Variants in C10orf90 observed in about 807,000 individuals in gnomAD.
The protein encoded by C10orf90 is (E2-independent) E3 ubiquitin-conjugating enzyme FATS.
In C10orf90, 56 loss-of-function variants were observed where a neutral mutation model predicts 62.5. That is an observed-to-expected ratio of 0.90 (90% confidence interval 0.72 to 1.12). The LOEUF (loss-of-function observed/expected upper bound fraction) is 1.12. C10orf90 is among the 50% of genes most tolerant of loss of function. The probability of loss-of-function intolerance (pLI) is 0.00; values close to 1 mark genes in which losing one functional copy is unlikely to be tolerated. For synonymous variants in C10orf90, 386 were observed against 340.4 expected, an observed-to-expected ratio of 1.13 and a Z score of -1.47; for missense variants, 970 against 880.4, an observed-to-expected ratio of 1.10 and a Z score of -1.29.
rs1238405297 is a variant in C10orf90 at position 126,461,534 on chromosome 10, C to A, written c.1877G>T (p.Ser626Ile). 1 of 1,613,866 alleles carries A rather than the reference C, an allele frequency of 6.2e-7. No individual in the cohort carries two copies. Among genetic ancestry groups the A allele is most frequent in the African/African-American group, 1.3e-5 (1 of 74,922 alleles). ...GGGCTCAGGTGTGGTGGGGTCCTCA[C>A]TCTTCTTACATTCCTTTATTTTTAC... is the stretch of plus-strand genomic sequence containing the variant. The part of the protein sequence containing the change: ...LVVKIKECKK[S>I]EDPTTPEPSP... Residue 626 changes from serine (S) to isoleucine (I), a missense_variant, in exon 6 of 10, where the codon AGT becomes ATT. Transcript: ENST00000488181.
At chr10:126,505,318 T>C (rs1395761614) in intron 3 of C10orf90, among the ~76,000 whole-genome samples, 4 of 152,172 alleles carry the variant, frequency 2.6e-5, no homozygotes, top group Non-Finnish European at 4.4e-5. Flanking sequence ...ATGAATTGGT[T>C]TTCTCTGCTG....
chr10:126,489,754 T>G (rs1861617923), intron 4 of C10orf90, among the ~76,000 whole-genome samples: 1 of 151,300 alleles, frequency 6.6e-6, no homozygotes, highest in African/African-American at 2.4e-5. Flanking sequence ...AAGCAGAGAC[T>G]TAAAGATGTA....
At chr10:126,599,182 C>CTTT (rs755259124) in intron 2 of C10orf90, among the ~76,000 whole-genome samples, 3 of 128,240 alleles carry the variant, frequency 2.3e-5, no homozygotes, top group South Asian at 2.4e-4. Flanking sequence ...GGTTCCACTC[C>CTTT]TTTTTTTTTT....
intron 2 of C10orf90, among the ~76,000 whole-genome samples, chr10:126,624,959 G>A (rs773788492): frequency 2.6e-5 from 4 of 152,166 alleles, no homozygotes; most frequent in Admixed American, 2.0e-4. Flanking sequence ...CTCAGAGAGC[G>A]GGCAGTCTAT....
chr10:126,464,771 G>T lies in C10orf90; in HGVS notation c.1750C>A (p.Leu584Ile), dbSNP rs140833099. 146 of 1,613,980 alleles carry T rather than the reference G, an allele frequency of 9.0e-5. No individual in the cohort carries two copies. Among genetic ancestry groups the T allele is most frequent in the Non-Finnish European group, 1.1e-4 (127 of 1,180,020 alleles). Reference protein sequence around the residue: ...LKPRILFPGFLCPLQDVCASL... With the variant: ...LKPRILFPGFICPLQDVCASL... ...GCACATACATCTTGTAAGGGGCAAA[G>T]AAACCCAGGAAAAAGGATTCTGGGT... The change falls in exon 5 of 10, where the codon CTT becomes ATT. Residue 584 changes from leucine to isoleucine, a missense_variant. Leu to Ile is a conservative substitution (Grantham distance 5). Coordinates refer to ENST00000488181, the MANE Select transcript of C10orf90 (RefSeq NM_001350921.2).
At chr10:126,432,396 G>A (rs1857629358) in intron 7 of C10orf90, among the ~76,000 whole-genome samples, 1 of 152,260 alleles carries the variant, frequency 6.6e-6, no homozygotes, top group South Asian at 2.1e-4. Context: ...ATGTTGGTAG[G>A]GGATGCTCAG....
chr10:126,646,258 T>C (rs957608997), intron 2 of C10orf90, among the ~76,000 whole-genome samples: 6 of 152,196 alleles, frequency 3.9e-5, no homozygotes, highest in African/African-American at 1.2e-4. Context: ...CCATTACTCA[T>C]CCCTGATGGA....
In C10orf90 at chr10:126,513,710, C is replaced by T. The variant is rs79093238; in HGVS notation, c.405+138G>A. 1,503 of 597,116 alleles carry T rather than the reference C, an allele frequency of 2.5e-3. 10 individuals are homozygous for T. Among genetic ancestry groups the T allele is most frequent in the African/African-American group, 0.02 (1,064 of 53,194 alleles). The allele number at this position is 597,116 out of a possible 1,614,324, so 37.0% of individuals were successfully genotyped here. On this transcript the variant is annotated intron_variant, in intron 3 of 9. Coordinates refer to ENST00000488181, the MANE Select transcript of C10orf90 (RefSeq NM_001350921.2). The stretch of plus-strand genomic sequence containing the variant: ...TAAAAGAATAATTAAATCTATAGCA[C>T]GGTTAGATTGTTTGCTACATTAATT...
intron 2 of C10orf90, among the ~76,000 whole-genome samples, chr10:126,635,906 T>TAA (rs199979661): frequency 4.4e-4 from 1 of 2,272 alleles, no homozygotes; most frequent in Non-Finnish European, 8.1e-3. Flanking sequence ...CAAGGTAGTT[T>TAA]GAGAGACAGA....
At position 126,628,542 on chromosome 10, in the gene C10orf90, C is replaced by A. The variant is rs370848644; in HGVS notation, c.313+18023G>T. Among the ~76,000 whole-genome samples, 4 of 152,270 alleles carry A rather than the reference C, an allele frequency of 2.6e-5. No individual in the cohort carries two copies. In the South Asian group the frequency reaches 8.3e-4, roughly 32 times the overall value. On this transcript the variant is annotated intron_variant, in intron 2 of 9. Coordinates refer to ENST00000488181, the MANE Select transcript of C10orf90 (RefSeq NM_001350921.2). Reference sequence around the variant, plus strand: ...CCCTCTGCTTGAGGTCTGGTGGTCACTGGGAACGTTGAATGGAGCCCAGGG... The same window carrying A: ...CCCTCTGCTTGAGGTCTGGTGGTCAATGGGAACGTTGAATGGAGCCCAGGG...
At position 126,569,834 on chromosome 10, in the gene C10orf90, G is replaced by A. The variant is rs186205142; in HGVS notation, c.314-55895C>T. 1.1e-4 allele frequency among the ~76,000 whole-genome samples: 17 copies of A among 152,188 alleles called. No individual in the cohort carries two copies. The East Asian group carries it at 2.9e-3, about 26-fold the overall frequency. ...TCAACCCAAGGCACAGGGTAACAAA[G>A]TTTACAAGGGACCCCAAAACTCCTA... is the stretch of plus-strand genomic sequence containing the variant. On this transcript the variant is annotated intron_variant, in intron 2 of 9. Transcript: ENST00000488181.
intron 4 of C10orf90, 66 bp from the exon 5 acceptor site, chr10:126,465,052 C>T: frequency 6.5e-7 from 1 of 1,534,844 alleles, no homozygotes; most frequent in Non-Finnish European, 8.9e-7. Context: ...CTGACTTCTA[C>T]CGCACATGGT....
chr10:126,588,127 G>A lies in C10orf90; in HGVS notation c.313+58438C>T, dbSNP rs140039646. Among the ~76,000 whole-genome samples, 387 of 152,366 alleles carry A rather than the reference G, an allele frequency of 2.5e-3. 2 individuals carry two copies. Among genetic ancestry groups the A allele is most frequent in the Middle Eastern group, 0.01 (3 of 294 alleles). On this transcript the variant is annotated intron_variant, in intron 2 of 9. Coordinates refer to ENST00000488181, the MANE Select transcript of C10orf90 (RefSeq NM_001350921.2). ...GGGTGGCTGCCATACTGCTATATCT[G>A]TGGTTGCAGTTGGCTGTTCTAGCCT...
In C10orf90 at chr10:126,498,722, C is replaced by T. The variant is rs946286810; in HGVS notation, c.1534+5235G>A. Among the ~76,000 whole-genome samples the T allele has an allele frequency of 2.0e-5, 3 of 152,214 alleles. No individual in the cohort carries two copies. In the East Asian group the frequency reaches 5.8e-4, roughly 29 times the overall value. On this transcript the variant is annotated intron_variant, in intron 4 of 9. Transcript: ENST00000488181. ...GAATTGGCTGACTGAAGAGAGCTGCCTCACCCAAGTTCACATATCTTCCTG... is the reference window on the plus strand; with the variant it reads ...GAATTGGCTGACTGAAGAGAGCTGCTTCACCCAAGTTCACATATCTTCCTG...
At chr10:126,598,573 A>G (rs184341931) in intron 2 of C10orf90, among the ~76,000 whole-genome samples, 1 of 152,282 alleles carries the variant, frequency 6.6e-6, no homozygotes, top group East Asian at 1.9e-4. Flanking sequence ...TGGTCTCTTC[A>G]GCTCTTACAC....
rs137975029 is a variant in C10orf90, at chr10:126,604,238, T to A, written c.313+42327A>T. ...CTGTCCTGGTCTTCTGCCGGACTCA[T>A]TCTCAGTCCCTGAGTAAAACTGAGC... On this transcript the variant is annotated intron_variant, in intron 2 of 9. Coordinates refer to ENST00000488181, the MANE Select transcript of C10orf90 (RefSeq NM_001350921.2). Among the ~76,000 whole-genome samples the A allele has an allele frequency of 7.6e-3, 1,161 of 152,288 alleles. 9 individuals carry two copies. Among genetic ancestry groups the A allele is most frequent in the Non-Finnish European group, 0.013 (908 of 68,030 alleles).
At chr10:126,427,644 T>TC (rs987470870) in intron 8 of C10orf90, among the ~76,000 whole-genome samples, 38 of 152,276 alleles carry the variant, frequency 2.5e-4, no homozygotes, top group African/African-American at 8.9e-4. Flanking sequence ...TAGATGCTCC[T>TC]CCTCCCGCCC....
In C10orf90 at chr10:126,465,603, G is replaced by A. The variant is rs559714984; in HGVS notation, c.1535-617C>T. ...TGCAGAAGCATTGGTGCTGAGTTAC[G>A]TACTATGGCGAATACAGAGATAGGA... On this transcript the variant is annotated intron_variant, in intron 4 of 9. Coordinates refer to ENST00000488181, the MANE Select transcript of C10orf90 (RefSeq NM_001350921.2). Among the ~76,000 whole-genome samples, 4 of 152,206 alleles carry A rather than the reference G, an allele frequency of 2.6e-5. No homozygotes were observed. In the South Asian group the frequency reaches 8.3e-4, roughly 32 times the overall value.
intron 1 of C10orf90, among the ~76,000 whole-genome samples, chr10:126,656,723 C>T (rs1176802341): frequency 6.6e-6 from 1 of 152,166 alleles, no homozygotes; most frequent in Non-Finnish European, 1.5e-5. Context: ...GCACAGGAGA[C>T]TTTTCGGCTT....
Sources: allele counts gnomAD v4.1 joint callset (sites outside exome capture counted in the v4.1 genomes callset), GRCh38; gene constraint gnomAD v4.1.1; transcripts MANE v1.5; gene names NCBI Gene and HGNC (gene_info 2026-07-23, HGNC 2026-07-21).